The following RPA3 variants were observed in gnomAD, a reference collection of about 807,000 sequenced individuals.
RPA3 encodes the protein replication protein A3.
A neutral mutation model predicts 13.7 loss-of-function variants in RPA3; 24 were observed. The ratio of observed to expected loss-of-function variants is 1.75; its 90% CI spans 1.27 to 2.46. The LOEUF is 2.46. Ranked by LOEUF, RPA3 falls within the 30% of genes most tolerant of loss-of-function variation. The pLI, the probability that RPA3 is intolerant of heterozygous loss-of-function variation, is 0.00. For synonymous variants in RPA3, 59 were observed against 51.2 expected (o/e 1.15, Z -0.65); for missense variants, 183 against 151.0 (o/e 1.21, Z -1.11).
intron 4 of RPA3, among the ~76,000 whole-genome samples, chr7:7,678,169 T>A (rs1172789511): frequency 6.6e-6 from 1 of 151,900 alleles, no homozygotes; most frequent in Non-Finnish European, 1.5e-5. Context: ...TCCATACTGG[T>A]CTTCATACTG....
Position 7,640,526 on chromosome 7 carries a change from G to C in RPA3, c.-108C>G, listed in dbSNP as rs748160377. 3 of 996,688 alleles carry C rather than the reference G, an allele frequency of 3.0e-6. No individual in the cohort carries two copies. The highest frequency in any genetic ancestry group is 3.1e-6 in the Non-Finnish European group (2 of 645,590). The allele number at this position is 996,688 out of a possible 1,614,324, so 61.7% of individuals were successfully genotyped here. A position where few individuals can be genotyped will look rare whatever the true frequency, so the allele number is the denominator to read the frequency against. On this transcript the variant is annotated 5_prime_UTR_variant, in exon 5 of 8. Transcript: ENST00000223129. ...TCTCGGCACCAATCAGCGAAGACTA[G>C]CGCTCCAGCTTCGCCAATTAAATGC...
chr7:7,701,286 G>C (rs1780457686), intron 2 of RPA3, among the ~76,000 whole-genome samples: 1 of 152,186 alleles, frequency 6.6e-6, no homozygotes, highest in Admixed American at 6.5e-5. Flanking sequence ...ATTTGTGGCT[G>C]AGAAAGTTAA....
chr7:7,663,918 C>T (rs1583707939), intron 4 of RPA3, among the ~76,000 whole-genome samples: 1 of 152,172 alleles, frequency 6.6e-6, no homozygotes, highest in East Asian at 1.9e-4. Context: ...AATGGGTGAG[C>T]TAGCCAGGAA....
At chr7:7,652,453 A>G (rs1785245309) in intron 4 of RPA3, among the ~76,000 whole-genome samples, 3 of 152,224 alleles carry the variant, frequency 2.0e-5, no homozygotes, top group Non-Finnish European at 4.4e-5. Context: ...AGCAGTCTGA[A>G]GCAAGTCATT....
rs564815689 is a variant in RPA3 at position 7,670,574 on chromosome 7, C to T, written c.-758+15256G>A. ...ACTACTATAGGCAAAGTAACTCACC[C>T]CTCCCCAAGGCAGTCTGTCTCATTG... On this transcript the variant is annotated intron_variant, in intron 4 of 7. Coordinates refer to ENST00000223129, the MANE Select transcript of RPA3 (RefSeq NM_002947.5). Among the ~76,000 whole-genome samples the T allele has an allele frequency of 1.1e-4, 17 of 152,242 alleles. No homozygotes were observed. In the South Asian group the frequency reaches 3.5e-3, roughly 32 times the overall value.
intron 2 of RPA3, among the ~76,000 whole-genome samples, chr7:7,706,495 CAG>C (rs1780603060): frequency 6.6e-6 from 1 of 152,058 alleles, no homozygotes; most frequent in African/African-American, 2.4e-5. Context: ...GTAATATTTC[CAG>C]AGTTTCCAAA....
intron 4 of RPA3, among the ~76,000 whole-genome samples, chr7:7,666,677 T>G (rs1420933628): frequency 6.6e-6 from 1 of 152,162 alleles, no homozygotes; most frequent in Non-Finnish European, 1.5e-5. Context: ...TTTGCCCGGT[T>G]TTTATTGAGC....
chr7:7,637,007 T>C lies in RPA3; in HGVS notation c.359A>G (p.His120Arg). Residue 120 changes from histidine (H) to arginine (R), a missense_variant, in exon 8 of 8, where the codon CAT becomes CGT. Transcript: ENST00000223129. ...TATGAAAATCCATCAAGATCAATCA[T>C]GTTGCACAATCCCTAAAGGATAAAA... ...PQFYPLGIVQHD is the reference protein window; with the variant it reads ...PQFYPLGIVQRD The C allele has an allele frequency of 1.2e-6, 2 of 1,607,928 alleles. No homozygotes were observed. The highest frequency in any genetic ancestry group is 1.3e-5 in the African/African-American group (1 of 74,914).
chr7:7,696,557 T>C (rs1285944817), intron 2 of RPA3, among the ~76,000 whole-genome samples: 2 of 152,146 alleles, frequency 1.3e-5, no homozygotes, highest in African/African-American at 4.8e-5. Flanking sequence ...GGGAAGTGTA[T>C]TTCTCCCCAG....
chr7:7,672,421 C>G (rs1294928367), intron 4 of RPA3, among the ~76,000 whole-genome samples: 1 of 152,098 alleles, frequency 6.6e-6, no homozygotes, highest in Non-Finnish European at 1.5e-5. Context: ...CTCACCAACG[C>G]AAGGATTTGC....
intron 4 of RPA3, among the ~76,000 whole-genome samples, chr7:7,665,739 G>C (rs565682191): frequency 1.3e-5 from 2 of 151,174 alleles, no homozygotes; most frequent in Admixed American, 1.3e-4. Flanking sequence ...TTCTTTCACT[G>C]TACACTAGTT....
chr7:7,705,804 G>A (rs888438431), intron 2 of RPA3, among the ~76,000 whole-genome samples: 2 of 152,072 alleles, frequency 1.3e-5, no homozygotes, highest in African/African-American at 4.8e-5. Context: ...TGGTGATAGC[G>A]ATGTGTCAGT....
At chr7:7,674,952 G>A (rs992239813) in intron 4 of RPA3, among the ~76,000 whole-genome samples, 31 of 151,944 alleles carry the variant, frequency 2.0e-4, no homozygotes, top group African/African-American at 7.5e-4. Context: ...AAATACCTCT[G>A]AAGTCTTAAC....
intron 4 of RPA3, among the ~76,000 whole-genome samples, chr7:7,678,108 T>A (rs1009780674): frequency 2.7e-5 from 4 of 149,256 alleles, no homozygotes; most frequent in African/African-American, 1.0e-4. Flanking sequence ...TACCCAGCAA[T>A]AGAATTGCTG....
intron 5 of RPA3, 26 bp downstream of exon 5, chr7:7,640,294 G>C (rs201174494): frequency 1.2e-6 from 2 of 1,612,106 alleles, no homozygotes; most frequent in African/African-American, 1.3e-5. Flanking sequence ...ACGGACTTGG[G>C]AGCCCATGAT....
chr7:7,662,888 A>G (rs1785510136), intron 4 of RPA3, among the ~76,000 whole-genome samples: 2 of 152,362 alleles, frequency 1.3e-5, no homozygotes, highest in African/African-American at 4.8e-5. Context: ...TTCAACATGT[A>G]AATATTTATA....
chr7:7,691,847 A>C (rs1780179275), intron 2 of RPA3, among the ~76,000 whole-genome samples: 1 of 152,222 alleles, frequency 6.6e-6, no homozygotes, highest in African/African-American at 2.4e-5. Context: ...GCCAAACAAA[A>C]GTCATGAAGA....
chr7:7,645,545 G>A (rs116495138), intron 4 of RPA3, among the ~76,000 whole-genome samples: 376 of 152,266 alleles, frequency 2.5e-3, no homozygotes, highest in African/African-American at 8.7e-3. Flanking sequence ...CCCGCATTCA[G>A]CTTCCTTTAA....
intron 1 of RPA3, among the ~76,000 whole-genome samples, chr7:7,716,770 C>G (rs980275520): frequency 2.0e-5 from 3 of 152,188 alleles, no homozygotes; most frequent in African/African-American, 4.8e-5. Flanking sequence ...ACGGTGAAAC[C>G]CCGTCTCTAC....
Sources: gnomAD v4.1 joint callset for allele counts (sites outside exome capture counted in the v4.1 genomes callset) on GRCh38, gnomAD v4.1.1 for gene constraint, MANE v1.5 for transcripts, NCBI Gene and HGNC (gene_info 2026-07-23, HGNC 2026-07-21) for gene names.